DCAF8L2: variants seen among roughly 807,000 people sequenced by gnomAD.
The protein encoded by DCAF8L2 is DDB1 and CUL4 associated factor 8 like 2, also known as DDB1- and CUL4-associated factor 8-like protein 2.
For synonymous variants in DCAF8L2, 200 were observed against 190.9 expected (o/e 1.05, Z -0.39); for missense variants, 430 against 490.7 (o/e 0.88, Z 1.17).
intron 1 of DCAF8L2, among the ~76,000 whole-genome samples, chrX:27,591,147 T>C (rs763810211): frequency 9.2e-6 from 1 of 108,717 alleles, no homozygotes; most frequent in African/African-American, 3.3e-5. Context: ...ATACATGTAC[T>C]GGTGTGTGAT....
At chrX:27,549,157 G>A in the DCAF8L2 span, among the ~76,000 whole-genome samples, 3 of 111,097 alleles carry the variant, frequency 2.7e-5, no homozygotes, top group Non-Finnish European at 5.7e-5. Flanking sequence ...GCAATTGCAT[G>A]AATTAGTATA....
chrX:27,493,828 TTC>T, the DCAF8L2 span, among the ~76,000 whole-genome samples: 1 of 111,165 alleles, frequency 9.0e-6, no homozygotes, highest in Non-Finnish European at 1.9e-5. Context: ...CTAATCTATT[TTC>T]TGTTTGTATT....
chrX:27,672,961 A>G (rs1240620617), intron 2 of DCAF8L2, among the ~76,000 whole-genome samples: 3 of 110,544 alleles, frequency 2.7e-5, no homozygotes, highest in Non-Finnish European at 5.7e-5. Context: ...TCCTTAGGAC[A>G]TCTTCACTTA....
the DCAF8L2 span, among the ~76,000 whole-genome samples, chrX:27,565,911 G>A: frequency 1.8e-5 from 2 of 110,791 alleles, no homozygotes; most frequent in East Asian, 5.7e-4. Flanking sequence ...AGGGCTGGGT[G>A]TCTTAATTTG....
At chrX:27,712,089 T>G in intron 3 of DCAF8L2, among the ~76,000 whole-genome samples, 1 of 111,602 alleles carries the variant, frequency 9.0e-6, no homozygotes. Context: ...TATCATTTTT[T>G]ATTATTAATA....
chrX:27,711,331 C>A, intron 3 of DCAF8L2, among the ~76,000 whole-genome samples: 1 of 109,298 alleles, frequency 9.1e-6, no homozygotes, highest in Non-Finnish European at 1.9e-5. Context: ...TGGCAAAGAG[C>A]AGAATTTTCT....
the DCAF8L2 span, among the ~76,000 whole-genome samples, chrX:27,535,525 T>TA: frequency 9.0e-6 from 1 of 111,651 alleles, no homozygotes; most frequent in Non-Finnish European, 1.9e-5. Context: ...GGAAAACCTC[T>TA]AACACCTTGG....
At chrX:27,541,371 ATTTATT>A in the DCAF8L2 span, among the ~76,000 whole-genome samples, 2 of 105,064 alleles carry the variant, frequency 1.9e-5, no homozygotes, top group Non-Finnish European at 3.9e-5. Flanking sequence ...TTATTTATTT[ATTTATT>A]TATTTATTTG....
chrX:27,489,996 C>T, the DCAF8L2 span, among the ~76,000 whole-genome samples: 12 of 111,586 alleles, frequency 1.1e-4, no homozygotes, highest in Non-Finnish European at 1.7e-4. Flanking sequence ...CCCACCTCAG[C>T]CTCCTGAGTA....
At chrX:27,575,554 G>A in the DCAF8L2 span, among the ~76,000 whole-genome samples, 1 of 111,501 alleles carries the variant, frequency 9.0e-6, no homozygotes, top group Admixed American at 9.6e-5. Context: ...TATCATTACT[G>A]TGATATAAAT....
chrX:27,552,847 C>T, the DCAF8L2 span, among the ~76,000 whole-genome samples: 4 of 111,470 alleles, frequency 3.6e-5, no homozygotes, highest in East Asian at 1.1e-3. Flanking sequence ...TGCATTTAGT[C>T]CGTGGATTGC....
the DCAF8L2 span, among the ~76,000 whole-genome samples, chrX:27,472,362 A>C: frequency 0.041 from 4,555 of 111,572 alleles, 244 homozygotes; most frequent in African/African-American, 0.14. Flanking sequence ...AAAGTATTTA[A>C]CCTCAAAGTA....
At chrX:27,571,252 C>G in the DCAF8L2 span, among the ~76,000 whole-genome samples, 1 of 111,592 alleles carries the variant, frequency 9.0e-6, no homozygotes, top group Admixed American at 9.6e-5. Context: ...TTTCTGGTTT[C>G]TCCCATATAT....
chrX:27,609,776 C>T (rs1927073010), intron 1 of DCAF8L2, among the ~76,000 whole-genome samples: 1 of 111,873 alleles, frequency 8.9e-6, no homozygotes, highest in Non-Finnish European at 1.9e-5. Context: ...AGCTTACACA[C>T]TCACACACCC....
intron 2 of DCAF8L2, among the ~76,000 whole-genome samples, chrX:27,654,831 T>C (rs1929292229): frequency 8.9e-6 from 1 of 112,220 alleles, no homozygotes; most frequent in African/African-American, 3.2e-5. Flanking sequence ...TAAATGTTAT[T>C]ATTTTTCTAT....
the DCAF8L2 span, among the ~76,000 whole-genome samples, chrX:27,501,749 T>C: frequency 7.2e-5 from 8 of 110,950 alleles, no homozygotes; most frequent in Non-Finnish European, 3.8e-5. Flanking sequence ...GACAGAAGGT[T>C]CCAGTTTTAT....
the DCAF8L2 span, among the ~76,000 whole-genome samples, chrX:27,498,900 A>C: frequency 1.6e-4 from 18 of 112,020 alleles, no homozygotes; most frequent in African/African-American, 5.5e-4. Context: ...TTTAGGCTGA[A>C]TAATATTCCA....
At chrX:27,471,681 A>T in the DCAF8L2 span, among the ~76,000 whole-genome samples, 3 of 111,467 alleles carry the variant, frequency 2.7e-5, no homozygotes, top group Non-Finnish European at 5.6e-5. Context: ...TCAGTTTCTC[A>T]ACAGAACTTT....
At chrX:27,672,310 G>A (rs758106160) in intron 2 of DCAF8L2, among the ~76,000 whole-genome samples, 1 of 111,667 alleles carries the variant, frequency 9.0e-6, no homozygotes. Context: ...TTGGGTAATC[G>A]TTTTTAAACA....
Sources: gnomAD v4.1 joint callset for allele counts (sites outside exome capture counted in the v4.1 genomes callset) on GRCh38, gnomAD v4.1.1 for gene constraint, MANE v1.5 for transcripts, NCBI Gene and HGNC (gene_info 2026-07-23, HGNC 2026-07-21) for gene names.